The following JAK2 variants were observed in gnomAD, a reference collection of about 807,000 sequenced individuals.
The protein encoded by JAK2 is Janus kinase 2.
Under a neutral mutation model 139.3 loss-of-function variants are expected in JAK2, and 86 were observed. The ratio of observed to expected loss-of-function variants is 0.62; its 90% CI spans 0.52 to 0.74. The LOEUF is 0.74. JAK2 is among the 30% of genes least tolerant of loss of function. JAK2 has a pLI of 0.00. For synonymous variants in JAK2, 490 were observed against 437.7 expected, an observed-to-expected ratio of 1.12 and a Z score of -1.49; for missense variants, 1,421 against 1,360.3, an observed-to-expected ratio of 1.04 and a Z score of -0.70.
At chr9:5,120,131 T>C (rs1346161532) in intron 22 of JAK2, among the ~76,000 whole-genome samples, 1 of 152,220 alleles carries the variant, frequency 6.6e-6, no homozygotes, top group African/African-American at 2.4e-5. Context: ...TGCTCTCTTC[T>C]TTCCAAGATG....
At chr9:5,083,674 T>A (rs16922607) in intron 19 of JAK2, among the ~76,000 whole-genome samples, 15,694 of 152,172 alleles carry the variant, frequency 0.1, 2,513 homozygotes, top group African/African-American at 0.35. Flanking sequence ...AACAATGGAA[T>A]ATATACTGGT....
chr9:5,010,674 A>G (rs1466471053), intron 2 of JAK2, among the ~76,000 whole-genome samples: 3 of 152,198 alleles, frequency 2.0e-5, no homozygotes, highest in African/African-American at 7.2e-5. Context: ...ATTATAATTA[A>G]TCACATATTT....
chr9:5,046,429 T>G (rs1817014565), intron 5 of JAK2, among the ~76,000 whole-genome samples: 1 of 152,222 alleles, frequency 6.6e-6, no homozygotes, highest in African/African-American at 2.4e-5. Context: ...AATTTATCTA[T>G]TTTTTGTTTC....
chr9:5,100,978 G>A (rs1177789053), intron 22 of JAK2: 1 of 152,332 alleles, frequency 6.6e-6, no homozygotes, highest in Non-Finnish European at 1.5e-5. Context: ...GCAGAAGATG[G>A]TGATTTCCGC....
chr9:4,996,901 C>G (rs1820598153), intron 2 of JAK2, among the ~76,000 whole-genome samples: 1 of 147,596 alleles, frequency 6.8e-6, no homozygotes, highest in Non-Finnish European at 1.5e-5. Context: ...TGGGAGTTCT[C>G]TCCTTTTACT....
intron 22 of JAK2, chr9:5,111,034 G>C: frequency 2.3e-6 from 2 of 885,048 alleles, no homozygotes; most frequent in Non-Finnish European, 1.8e-6. Flanking sequence ...CTCCCTGGCC[G>C]GGGCGCAATT....
intron 4 of JAK2, among the ~76,000 whole-genome samples, chr9:5,036,949 T>C (rs1016507452): frequency 1.3e-5 from 2 of 152,228 alleles, no homozygotes; most frequent in Non-Finnish European, 2.9e-5. Context: ...GAGAACATTT[T>C]TGTAATCTAC....
At chr9:5,114,651 C>T (rs1042958279) in intron 22 of JAK2, 5 of 461,964 alleles carry the variant, frequency 1.1e-5, no homozygotes, top group South Asian at 5.0e-5. Flanking sequence ...GACGCAGCCC[C>T]GCAAAACCAA....
chr9:5,052,689 T>A (rs969934489), intron 6 of JAK2, among the ~76,000 whole-genome samples: 1 of 152,086 alleles, frequency 6.6e-6, no homozygotes. Flanking sequence ...TATCTTTTTG[T>A]TTGCGTGGAT....
chr9:5,076,363 T>A (rs1373540122), intron 14 of JAK2, among the ~76,000 whole-genome samples: 1 of 152,168 alleles, frequency 6.6e-6, no homozygotes, highest in East Asian at 1.9e-4. Flanking sequence ...TTCATTGTTG[T>A]CTTATTTTAA....
intron 2 of JAK2, among the ~76,000 whole-genome samples, chr9:5,011,432 C>T (rs913371197): frequency 6.6e-6 from 1 of 152,200 alleles, no homozygotes; most frequent in African/African-American, 2.4e-5. Context: ...TCAAGCAATC[C>T]TCCTGCCTTG....
At chr9:5,033,312 C>T (rs918082419) in intron 4 of JAK2, among the ~76,000 whole-genome samples, 2 of 152,166 alleles carry the variant, frequency 1.3e-5, no homozygotes, top group African/African-American at 4.8e-5. Context: ...TTGGAAAACA[C>T]TCTGCAGGAT....
chr9:5,005,609 TCCAGTGTAATTTTTTTC>T (rs1277000070), intron 2 of JAK2, among the ~76,000 whole-genome samples: 2 of 152,340 alleles, frequency 1.3e-5, no homozygotes, highest in South Asian at 4.1e-4. Context: ...TGAGAGAGAT[TCCAGTGTAATTTTTTTC>T]CTTTTCATGT....
chr9:5,056,747 A>C (rs1716676076), intron 8 of JAK2, among the ~76,000 whole-genome samples: 1 of 152,204 alleles, frequency 6.6e-6, no homozygotes, highest in Non-Finnish European at 1.5e-5. Flanking sequence ...GTGGATATAT[A>C]ATAAATGTTT....
chr9:5,042,593 G>C (rs974191838), intron 4 of JAK2, among the ~76,000 whole-genome samples: 6 of 124,182 alleles, frequency 4.8e-5, no homozygotes, highest in African/African-American at 2.2e-4. Context: ...GAGGCCCCCA[G>C]GGCTGAGGCC....
intron 20 of JAK2, 101 bp downstream of exon 20, chr9:5,089,964 G>A: frequency 1.4e-6 from 1 of 701,198 alleles, no homozygotes; most frequent in Non-Finnish European, 2.1e-6. Flanking sequence ...TTATGCCAAT[G>A]CCCAGAGGGA....
At chr9:5,020,005 A>G (rs992746901) in intron 2 of JAK2, among the ~76,000 whole-genome samples, 2 of 152,094 alleles carry the variant, frequency 1.3e-5, no homozygotes, top group African/African-American at 4.8e-5. Flanking sequence ...AGGCAGTCCA[A>G]TTTTTGGGTC....
intron 4 of JAK2, among the ~76,000 whole-genome samples, chr9:5,036,938 G>A (rs894404765): frequency 2.0e-5 from 3 of 152,068 alleles, no homozygotes; most frequent in African/African-American, 7.2e-5. Flanking sequence ...CTACAGAATG[G>A]GAGAACATTT....
upstream of JAK2, chr9:4,985,064 C>T (rs1014254134): frequency 4.6e-5 from 7 of 152,282 alleles, no homozygotes; most frequent in African/African-American, 1.7e-4. Flanking sequence ...CCCCCAGCCT[C>T]TATCCGGCCC....
Sources: gnomAD v4.1 joint callset for allele counts (sites outside exome capture counted in the v4.1 genomes callset) on GRCh38, gnomAD v4.1.1 for gene constraint, MANE v1.5 for transcripts, NCBI Gene and HGNC (gene_info 2026-07-23, HGNC 2026-07-21) for gene names.